SLC17A8: variants seen among roughly 807,000 people sequenced by gnomAD.
SLC17A8 encodes the protein solute carrier family 17 member 8, also known as vesicular glutamate transporter 3.
A neutral mutation model predicts 58.0 loss-of-function variants in SLC17A8; 31 were observed. That is an observed-to-expected ratio of 0.53 (90% confidence interval 0.40 to 0.72). The LOEUF is 0.72. SLC17A8 is among the 30% of genes least tolerant of loss of function. The pLI is 0.00. For missense variants in SLC17A8, 655 were observed against 727.8 expected (o/e 0.90, Z 1.15); for synonymous variants, 228 against 249.0 (o/e 0.92, Z 0.79).
At chr12:100,391,337 T>G (rs1262884400) in intron 3 of SLC17A8, among the ~76,000 whole-genome samples, 2 of 151,986 alleles carry the variant, frequency 1.3e-5, no homozygotes, top group Admixed American at 6.6e-5. Flanking sequence ...CAGGCTGGAG[T>G]GCAGTGGTGT....
intron 11 of SLC17A8, among the ~76,000 whole-genome samples, chr12:100,418,610 C>A (rs1378914067): frequency 6.6e-6 from 1 of 152,218 alleles, no homozygotes; most frequent in East Asian, 1.9e-4. Flanking sequence ...CATTGATAAC[C>A]TACCCAGTTG....
rs78792953 is a variant in SLC17A8 at position 100,385,646 on chromosome 12, A to G, written c.354+4693A>G. Among the ~76,000 whole-genome samples, 401 of 152,288 alleles carry G rather than the reference A, an allele frequency of 2.6e-3. 1 individual carries two copies. Among genetic ancestry groups the G allele is most frequent in the African/African-American group, 8.2e-3 (339 of 41,562 alleles). Reference sequence around the variant, plus strand: ...CTCTCAGAAGTGTGAGCAGACAGGAACTGACATTTCTAGAAGTTCCTTGCT... The same window carrying G: ...CTCTCAGAAGTGTGAGCAGACAGGAGCTGACATTTCTAGAAGTTCCTTGCT... On this transcript the variant is annotated intron_variant, in intron 2 of 11. Coordinates refer to ENST00000323346, the MANE Select transcript of SLC17A8 (RefSeq NM_139319.3).
intron 1 of SLC17A8, among the ~76,000 whole-genome samples, chr12:100,368,230 C>T (rs957874943): frequency 3.9e-5 from 6 of 152,326 alleles, no homozygotes; most frequent in African/African-American, 1.4e-4. Flanking sequence ...CTTAAGGAGG[C>T]CTCATGCTTG....
intron 2 of SLC17A8, among the ~76,000 whole-genome samples, chr12:100,390,503 C>G (rs959326005): frequency 6.6e-6 from 1 of 151,910 alleles, no homozygotes; most frequent in Non-Finnish European, 1.5e-5. Context: ...CCCGCCACCA[C>G]GCCCGGCTAA....
Position 100,385,398 on chromosome 12 carries a change from G to C in SLC17A8, c.354+4445G>C, listed in dbSNP as rs576203364. 3.9e-5 allele frequency among the ~76,000 whole-genome samples: 6 copies of C among 152,144 alleles called. No individual in the cohort carries two copies. In the South Asian group the frequency reaches 1.2e-3, roughly 32 times the overall value. On this transcript the variant is annotated intron_variant, in intron 2 of 11. Transcript: ENST00000323346. ...TTACAGGTGCATGCCACAACGCCCA[G>C]CTAATTTTCGTATTTTAAAAATAGA...
intron 11 of SLC17A8, 112 bp downstream of exon 11, chr12:100,418,268 T>A (rs1483395656): frequency 4.4e-6 from 6 of 1,355,512 alleles, no homozygotes; most frequent in Non-Finnish European, 6.3e-6. Flanking sequence ...TCCTTGACCT[T>A]GACTGAGTCA....
chr12:100,371,704 C>A (rs908476580), intron 1 of SLC17A8, among the ~76,000 whole-genome samples: 9 of 152,170 alleles, frequency 5.9e-5, no homozygotes, highest in Admixed American at 4.6e-4. Context: ...CTTGCCAGCA[C>A]ACCCGGCTAA....
rs757633187 is a variant in SLC17A8, at chr12:100,402,654, T to C, written c.962T>C (p.Val321Ala). Residue 321 changes from valine to alanine, a missense_variant, in exon 8 of 12, where the codon GTG becomes GCG. Val to Ala is a moderately conservative substitution (Grantham distance 64). Coordinates refer to ENST00000323346, the MANE Select transcript of SLC17A8 (RefSeq NM_139319.3). ...TCTTTGCCGGTTTATGCAATCATTG[T>C]GGCAAATTTTTGCAGAAGCTGGACC... The part of the protein sequence containing the change: ...FTSLPVYAII[V>A]ANFCRSWTFY... The C allele has an allele frequency of 9.9e-6, 16 of 1,614,024 alleles. No individual in the cohort carries two copies. Among genetic ancestry groups the C allele is most frequent in the Admixed American group, 1.7e-5 (1 of 60,000 alleles).
chr12:100,419,577 AT>A (rs1952932233), intron 11 of SLC17A8, among the ~76,000 whole-genome samples: 1 of 151,766 alleles, frequency 6.6e-6, no homozygotes, highest in African/African-American at 2.4e-5. Context: ...ATACGTATTT[AT>A]TGTTTTGTCT....
chr12:100,396,887 T>C (rs903794470), intron 5 of SLC17A8, among the ~76,000 whole-genome samples: 15 of 152,168 alleles, frequency 9.9e-5, no homozygotes, highest in Admixed American at 9.8e-4. Context: ...TTGGTTCTGC[T>C]GCTCAAAAAT....
chr12:100,387,557 T>C (rs1283508454), intron 2 of SLC17A8, among the ~76,000 whole-genome samples: 1 of 152,094 alleles, frequency 6.6e-6, no homozygotes, highest in Admixed American at 6.6e-5. Flanking sequence ...GAGAAAGGCA[T>C]GAGAAAGGGA....
chr12:100,419,666 C>A, intron 11 of SLC17A8, 149 bp from the exon 12 acceptor site: 1 of 676,358 alleles, frequency 1.5e-6, no homozygotes, highest in South Asian at 2.0e-5. Context: ...CCGGATGGTG[C>A]TTCTGACACA....
chr12:100,396,468 G>A (rs1952754993), intron 5 of SLC17A8, 51 bp downstream of exon 5: 1 of 1,449,508 alleles, frequency 6.9e-7, no homozygotes, highest in Non-Finnish European at 9.7e-7. Context: ...CTTTTTTTGG[G>A]TTCATGCAGT....
chr12:100,366,050 C>CTTTTT (rs67071341), intron 1 of SLC17A8, among the ~76,000 whole-genome samples: 5 of 90,856 alleles, frequency 5.5e-5, no homozygotes, highest in African/African-American at 1.8e-4. Flanking sequence ...GTGATCCCTT[C>CTTTTT]TTTTTTTTTT....
In SLC17A8 at chr12:100,421,469, T is replaced by C. The variant is rs937275235; in HGVS notation, c.*1310T>C. 6.6e-6 allele frequency: 1 copy of C among 152,166 alleles called. No individual in the cohort carries two copies. The highest frequency in any genetic ancestry group is 2.4e-5 in the African/African-American group (1 of 41,464). 9.4% of individuals were successfully genotyped at this position (152,166 alleles called of 1,614,324 possible). On this transcript the variant is annotated 3_prime_UTR_variant, in exon 12 of 12. Transcript: ENST00000323346. Reference sequence around the variant, plus strand: ...CAGTTACTGTTGAAAAATTCACCTTTGATTGCATAAGGCAATTACATGGAT... The same window carrying C: ...CAGTTACTGTTGAAAAATTCACCTTCGATTGCATAAGGCAATTACATGGAT...
intron 2 of SLC17A8, among the ~76,000 whole-genome samples, chr12:100,390,565 G>C (rs1201033996): frequency 6.6e-6 from 1 of 151,144 alleles, no homozygotes; most frequent in African/African-American, 2.4e-5. Flanking sequence ...AGCCAGGATG[G>C]TCTGGATCTC....
chr12:100,362,609 A>G (rs1305776751), intron 1 of SLC17A8, among the ~76,000 whole-genome samples: 3 of 152,128 alleles, frequency 2.0e-5, no homozygotes, highest in Admixed American at 6.5e-5. Context: ...TTGCCCATCA[A>G]GGGGAACTGG....
chr12:100,380,914 C>A lies in SLC17A8; in HGVS notation c.315C>A (p.Asn105Lys). ...GAGTTGCCATTGTGGAAATGGTCAA[C>A]AATAGCACCGTATATGTTGATGGAA... ...NLGVAIVEMV[N>K]NSTVYVDGKP... Residue 105 changes from asparagine (N) to lysine (K), a missense_variant, in exon 2 of 12, where the codon AAC (asparagine) becomes AAA (lysine). Asn to Lys is a moderately conservative substitution (Grantham distance 94). Transcript: ENST00000323346. 6.2e-7 allele frequency: 1 copy of A among 1,614,138 alleles called. No homozygotes were observed. Among genetic ancestry groups the A allele is most frequent in the Non-Finnish European group, 8.5e-7 (1 of 1,180,038 alleles).
chr12:100,380,562 G>A (rs1337148118), intron 1 of SLC17A8, 139 bp from the exon 2 acceptor site: 10 of 610,252 alleles, frequency 1.6e-5, no homozygotes, highest in African/African-American at 1.3e-4. Context: ...AATAATAATA[G>A]TAATACCTCC....
Sources: gnomAD v4.1 joint callset for allele counts (sites outside exome capture counted in the v4.1 genomes callset) on GRCh38, gnomAD v4.1.1 for gene constraint, MANE v1.5 for transcripts, NCBI Gene and HGNC (gene_info 2026-07-23, HGNC 2026-07-21) for gene names.